CDA: variants seen among roughly 807,000 people sequenced by gnomAD.
CDA encodes cytidine deaminase.
Under a neutral mutation model 15.0 loss-of-function variants are expected in CDA, and 7 were observed. The observed-to-expected ratio is 0.47, with a 90% CI of 0.26 to 0.87. The LOEUF (loss-of-function observed/expected upper bound fraction) is 0.87, where lower values mean the gene tolerates loss of function less well. CDA is among the 40% of genes least tolerant of loss of function. The pLI, the probability that CDA is intolerant of heterozygous loss-of-function variation, is 0.15. For missense variants in CDA, 159 were observed against 182.7 expected (o/e 0.87, Z 0.75); for synonymous variants, 58 against 73.0 (o/e 0.79, Z 1.05).
In CDA at chr1:20,618,571, G is replaced by C; in HGVS notation, c.*3G>C. On this transcript the variant is annotated 3_prime_UTR_variant, in exon 4 of 4. Coordinates refer to ENST00000375071, the MANE Select transcript of CDA (RefSeq NM_001785.3). The stretch of plus-strand genomic sequence containing the variant: ...AGGACCTGCAGAAGACCCAGTGACA[G>C]CCAGAGAATGCCCACTGCCTGTAAC... 1 of 1,533,004 alleles carries C rather than the reference G, an allele frequency of 6.5e-7. No individual in the cohort carries two copies. The allele number at this position is 1,533,004 out of a possible 1,614,324, so 95.0% of individuals were successfully genotyped here. A position where few individuals can be genotyped will look rare whatever the true frequency, so the allele number is the denominator to read the frequency against.
chr1:20,596,756 C>CTTTTTTTTTTT (rs61288769), intron 1 of CDA, among the ~76,000 whole-genome samples: 1 of 101,118 alleles, frequency 9.9e-6, no homozygotes, highest in African/African-American at 3.7e-5. Context: ...CTGTTGATGT[C>CTTTTTTTTTTT]TTTTTTTTTT....
Position 20,618,521 on chromosome 1 carries a change from C to G in CDA, c.394C>G (p.Leu132Val). Reference sequence around the variant, plus strand: ...GTATATTGTCATGACGGTCCAGGAGCTGCTGCCCTCCTCCTTTGGGCCTGA... The same window carrying G: ...GTATATTGTCATGACGGTCCAGGAGGTGCTGCCCTCCTCCTTTGGGCCTGA... Reference protein sequence around the residue: ...GTYIVMTVQELLPSSFGPEDL... With the variant: ...GTYIVMTVQEVLPSSFGPEDL... The change falls in exon 4 of 4, where the codon CTG becomes GTG. Residue 132 changes from leucine (L) to valine (V), a missense_variant. Coordinates refer to ENST00000375071, the MANE Select transcript of CDA (RefSeq NM_001785.3). 1 of 1,613,722 alleles carries G rather than the reference C, an allele frequency of 6.2e-7. No individual in the cohort carries two copies. Among genetic ancestry groups the G allele is most frequent in the Non-Finnish European group, 8.5e-7 (1 of 1,179,718 alleles).
intron 1 of CDA, among the ~76,000 whole-genome samples, chr1:20,603,945 C>G (rs1046159389): frequency 3.3e-5 from 5 of 152,172 alleles, no homozygotes; most frequent in African/African-American, 1.2e-4. Context: ...TTACTGAGAG[C>G]TGGGCCATCT....
chr1:20,607,074 T>C (rs1028728362), intron 2 of CDA, among the ~76,000 whole-genome samples: 3 of 152,290 alleles, frequency 2.0e-5, no homozygotes, highest in Admixed American at 1.3e-4. Flanking sequence ...TCTTCACTCA[T>C]AGTGGAGTTA....
At chr1:20,601,443 C>T (rs2052643194) in intron 1 of CDA, among the ~76,000 whole-genome samples, 2 of 152,174 alleles carry the variant, frequency 1.3e-5, no homozygotes, top group South Asian at 4.1e-4. Context: ...GTTAAGTTGT[C>T]AAAACAGTAG....
intron 2 of CDA, among the ~76,000 whole-genome samples, chr1:20,610,910 T>G (rs537880412): frequency 5.3e-5 from 8 of 152,172 alleles, no homozygotes; most frequent in South Asian, 2.1e-4. Context: ...AAGTCACACA[T>G]AGCAAAAGGA....
intron 1 of CDA, among the ~76,000 whole-genome samples, chr1:20,599,337 G>A (rs2052618180): frequency 6.6e-6 from 1 of 152,172 alleles, no homozygotes; most frequent in African/African-American, 2.4e-5. Context: ...AAGGATTTCA[G>A]GCCAGGCGTG....
chr1:20,606,108 C>T (rs1400973540), intron 2 of CDA, among the ~76,000 whole-genome samples: 1 of 124,456 alleles, frequency 8.0e-6, no homozygotes, highest in East Asian at 2.3e-4. Context: ...CCGAGGTGCA[C>T]TCAAGGAGAA....
intron 2 of CDA, 32 bp from the exon 3 acceptor site, chr1:20,613,810 A>C: frequency 6.2e-7 from 1 of 1,603,940 alleles, no homozygotes; most frequent in Non-Finnish European, 8.5e-7. Flanking sequence ...CTTGGGAGAG[A>C]CTAATTTGAG....
chr1:20,602,682 AGT>A (rs2052655829), intron 1 of CDA, among the ~76,000 whole-genome samples: 1 of 151,920 alleles, frequency 6.6e-6, no homozygotes, highest in Non-Finnish European at 1.5e-5. Flanking sequence ...GGCCTCCCAA[AGT>A]GCTGGGATTA....
At position 20,604,948 on chromosome 1, in the gene CDA, T is replaced by A; in HGVS notation, c.175T>A (p.Cys59Ser). The A allele has an allele frequency of 6.2e-7, 1 of 1,613,122 alleles. No individual in the cohort carries two copies. The highest frequency in any genetic ancestry group is 8.5e-7 in the Non-Finnish European group (1 of 1,179,432). ...IFKGCNIENACYPLGICAERT... is the reference protein window; with the variant it reads ...IFKGCNIENASYPLGICAERT... ...CTCAGGGTGCAACATAGAAAATGCC[T>A]GCTACCCGCTGGGCATCTGTGCTGA... The change falls in exon 2 of 4, where the codon TGC becomes AGC. Residue 59 changes from cysteine to serine, a missense_variant. By Grantham distance (112) the Cys-to-Ser change is moderately radical (BLOSUM62 -1). Transcript: ENST00000375071.
chr1:20,601,791 C>T (rs4655226), intron 1 of CDA, among the ~76,000 whole-genome samples: 20,066 of 152,068 alleles, frequency 0.13, 1,369 homozygotes, highest in Admixed American at 0.17. Context: ...GTGATCAACA[C>T]GGAACAAAAT....
At chr1:20,604,120 C>T (rs2052672306) in intron 1 of CDA, among the ~76,000 whole-genome samples, 1 of 144,830 alleles carries the variant, frequency 6.9e-6, no homozygotes, top group Admixed American at 6.7e-5. Flanking sequence ...TGACACAGAA[C>T]CCTGGCTGAA....
At chr1:20,609,823 C>T (rs2052730365) in intron 2 of CDA, among the ~76,000 whole-genome samples, 1 of 152,202 alleles carries the variant, frequency 6.6e-6, no homozygotes, top group South Asian at 2.1e-4. Context: ...CAAGAGTTCA[C>T]TCGGCATCCT....
At chr1:20,603,890 T>C (rs2052669590) in intron 1 of CDA, among the ~76,000 whole-genome samples, 2 of 152,158 alleles carry the variant, frequency 1.3e-5, no homozygotes, top group Admixed American at 6.6e-5. Flanking sequence ...CTTGGCTTAT[T>C]GTCCCCCAGC....
chr1:20,616,969 GGC>G (rs2052818899), intron 3 of CDA, among the ~76,000 whole-genome samples: 1 of 152,164 alleles, frequency 6.6e-6, no homozygotes, highest in African/African-American at 2.4e-5. Context: ...CAATAAGAAT[GGC>G]ATCTATTAAT....
chr1:20,604,765 C>T (rs1260118623), intron 1 of CDA, among the ~76,000 whole-genome samples, 163 bp from the exon 2 acceptor site: 1 of 152,206 alleles, frequency 6.6e-6, no homozygotes, highest in African/African-American at 2.4e-5. Flanking sequence ...AAAGAATCTA[C>T]CAGTGCCCCA....
rs760754305 is a variant in CDA, at chr1:20,610,261, C to CTTTTTTTTTT, written c.267-3578_267-3569dup. On this transcript the variant is annotated intron_variant, in intron 2 of 3. Coordinates refer to ENST00000375071, the MANE Select transcript of CDA (RefSeq NM_001785.3). ...CTGGCACATTCTAGGCACACATTATCTTTTTTTTTTTTATTTTATTTTATT... is the reference window on the plus strand; with the variant it reads ...CTGGCACATTCTAGGCACACATTATCTTTTTTTTTTTTTTTTTTTTTTATTTTATTTTATT... 9.4e-4 allele frequency among the ~76,000 whole-genome samples: 59 copies of CTTTTTTTTTT among 62,852 alleles called. 1 individual carries two copies. The highest frequency in any genetic ancestry group is 1.5e-3 in the Non-Finnish European group (34 of 23,280). The allele number at this position is 62,852 out of a possible 152,430, so 41.2% of individuals were successfully genotyped here.
intron 3 of CDA, 84 bp downstream of exon 3, chr1:20,613,983 AG>A: frequency 8.0e-7 from 1 of 1,252,628 alleles, no homozygotes; most frequent in Non-Finnish European, 1.2e-6. Context: ...CAGGCATGGC[AG>A]GCATGGCAGG....
Sources: allele counts gnomAD v4.1 joint callset (sites outside exome capture counted in the v4.1 genomes callset), GRCh38; gene constraint gnomAD v4.1.1; transcripts MANE v1.5; gene names NCBI Gene and HGNC (gene_info 2026-07-23, HGNC 2026-07-21).